Variants in EPM2A observed in about 807,000 individuals in gnomAD.
EPM2A encodes the protein laforin.
EPM2A carries 21 observed loss-of-function variants against 26.5 expected under a neutral mutation model. The observed-to-expected ratio is 0.79, with a 90% CI of 0.56 to 1.14. EPM2A has a LOEUF of 1.14. EPM2A is among the 50% of genes most tolerant of loss of function. The probability of loss-of-function intolerance (pLI) is 0.00; values close to 1 mark genes in which losing one functional copy is unlikely to be tolerated. For missense variants in EPM2A, 458 were observed against 440.8 expected, an observed-to-expected ratio of 1.04 and a Z score of -0.35; for synonymous variants, 217 against 177.6, an observed-to-expected ratio of 1.22 and a Z score of -1.76.
At position 145,435,726 on chromosome 6, in the gene EPM2A, G is replaced by T. The variant is rs560242308; in HGVS notation, c.556-51629C>A. On this transcript the variant is annotated intron_variant, in intron 4 of 4. Transcript: ENST00000638717. The stretch of plus-strand genomic sequence containing the variant: ...CTTCTATTTTAGATACTTAATATAT[G>T]TGAATCACACAATTTTTTTTTGTAT... Among the ~76,000 whole-genome samples the T allele has an allele frequency of 4.6e-5, 7 of 151,964 alleles. No homozygotes were observed. In the South Asian group the frequency reaches 1.5e-3, roughly 32 times the overall value.
intron 4 of EPM2A, chr6:145,491,319 G>A (rs1401504929): frequency 5.9e-6 from 2 of 338,986 alleles, no homozygotes; most frequent in South Asian, 2.5e-5. Context: ...CCACAGGAGG[G>A]AGCATGCAGG....
chr6:145,713,410 A>G (rs927908861), intron 1 of EPM2A, among the ~76,000 whole-genome samples: 22 of 152,216 alleles, frequency 1.4e-4, no homozygotes, highest in Admixed American at 1.3e-4. Flanking sequence ...TCTCCAAAGA[A>G]GATACATACA....
intron 2 of EPM2A, among the ~76,000 whole-genome samples, chr6:145,522,514 T>C (rs1780215991): frequency 6.6e-6 from 1 of 151,948 alleles, no homozygotes; most frequent in Non-Finnish European, 1.5e-5. Context: ...CAATTAACAG[T>C]CTCCATTGAT....
intron 1 of EPM2A, among the ~76,000 whole-genome samples, chr6:145,714,728 G>C (rs940892964): frequency 2.0e-5 from 3 of 152,196 alleles, no homozygotes; most frequent in African/African-American, 7.2e-5. Context: ...GGCAAAGAGA[G>C]AGAGATCTTG....
intron 1 of EPM2A, among the ~76,000 whole-genome samples, chr6:145,711,859 A>T (rs1019941391): frequency 1.3e-5 from 2 of 152,184 alleles, no homozygotes; most frequent in Admixed American, 6.6e-5. Context: ...AGTTCACAGA[A>T]AATGCATACG....
chr6:145,513,487 T>C (rs909410774), intron 2 of EPM2A, among the ~76,000 whole-genome samples: 1 of 152,232 alleles, frequency 6.6e-6, no homozygotes, highest in African/African-American at 2.4e-5. Flanking sequence ...GAAAATATTA[T>C]GGCGATATCT....
chr6:145,661,637 G>A (rs1275836954), intron 2 of EPM2A, among the ~76,000 whole-genome samples: 2 of 152,162 alleles, frequency 1.3e-5, no homozygotes, highest in African/African-American at 4.8e-5. Context: ...GTAGGAAATA[G>A]TGTTAAACAA....
chr6:145,493,063 C>T (rs1779775103), intron 4 of EPM2A, among the ~76,000 whole-genome samples: 1 of 152,132 alleles, frequency 6.6e-6, no homozygotes. Flanking sequence ...CTTCTCATGG[C>T]ATAATGTACC....
At chr6:145,651,155 T>C (rs1051824857) in intron 2 of EPM2A, among the ~76,000 whole-genome samples, 10 of 152,226 alleles carry the variant, frequency 6.6e-5, no homozygotes, top group African/African-American at 1.7e-4. Context: ...TTATCTCTTA[T>C]ATTCCATTGC....
chr6:145,387,376 C>T (rs1234529747), intron 4 of EPM2A, among the ~76,000 whole-genome samples: 2 of 152,172 alleles, frequency 1.3e-5, no homozygotes, highest in Non-Finnish European at 1.5e-5. Flanking sequence ...GCAGCCCACA[C>T]ATAGGGACCT....
chr6:145,592,030 CTT>C (rs1269249917), intron 2 of EPM2A, among the ~76,000 whole-genome samples: 1 of 151,790 alleles, frequency 6.6e-6, no homozygotes, highest in South Asian at 2.1e-4. Flanking sequence ...TAAAATTATA[CTT>C]TAAGTTGTAG....
intron 4 of EPM2A, among the ~76,000 whole-genome samples, chr6:145,414,654 C>T (rs1778684504): frequency 6.6e-6 from 1 of 152,056 alleles, no homozygotes; most frequent in Non-Finnish European, 1.5e-5. Flanking sequence ...GTGTTAACAT[C>T]CTATTACTCT....
At chr6:145,513,763 A>G (rs963843348) in intron 2 of EPM2A, among the ~76,000 whole-genome samples, 3 of 152,174 alleles carry the variant, frequency 2.0e-5, no homozygotes, top group Non-Finnish European at 4.4e-5. Context: ...GTGCCTACTA[A>G]CTCTCTTTTG....
chr6:145,490,137 T>C (rs1193002959), intron 4 of EPM2A: 2 of 1,107,268 alleles, frequency 1.8e-6, no homozygotes, highest in South Asian at 1.5e-5. Flanking sequence ...CAGGTTCAGT[T>C]TGCACACGTT....
chr6:145,550,846 TG>T (rs1318146314), intron 2 of EPM2A, among the ~76,000 whole-genome samples: 2 of 152,080 alleles, frequency 1.3e-5, no homozygotes, highest in Non-Finnish European at 2.9e-5. Flanking sequence ...ATACAAAATA[TG>T]TGTCCTTCCT....
intron 2 of EPM2A, among the ~76,000 whole-genome samples, chr6:145,600,626 G>A (rs1781405031): frequency 2.0e-5 from 3 of 152,158 alleles, no homozygotes; most frequent in African/African-American, 7.2e-5. Flanking sequence ...GTGACACTAG[G>A]ATATTTTTCC....
chr6:145,711,408 T>C (rs976574078), intron 1 of EPM2A, among the ~76,000 whole-genome samples: 2 of 152,124 alleles, frequency 1.3e-5, no homozygotes, highest in African/African-American at 4.8e-5. Context: ...AGAAAAAGGA[T>C]CTTACAGAGA....
chr6:145,520,923 C>A (rs1780194468), intron 2 of EPM2A, among the ~76,000 whole-genome samples: 1 of 152,062 alleles, frequency 6.6e-6, no homozygotes, highest in African/African-American at 2.4e-5. Context: ...ACAGCAAGTT[C>A]CCTAAGAGGG....
chr6:145,439,877 C>T (rs1228199134), intron 4 of EPM2A, among the ~76,000 whole-genome samples: 1 of 152,174 alleles, frequency 6.6e-6, no homozygotes, highest in East Asian at 1.9e-4. Context: ...GCATTTTTAT[C>T]ATGAAATCTT....
Sources: gnomAD v4.1 joint callset for allele counts (sites outside exome capture counted in the v4.1 genomes callset) on GRCh38, gnomAD v4.1.1 for gene constraint, MANE v1.5 for transcripts, NCBI Gene and HGNC (gene_info 2026-07-23, HGNC 2026-07-21) for gene names.